VRK2: variants seen among roughly 807,000 people sequenced by gnomAD.
VRK2 encodes the protein serine/threonine-protein kinase VRK2.
In VRK2, 60 loss-of-function variants were observed where a neutral mutation model predicts 57.6. The ratio of observed to expected loss-of-function variants is 1.04; its 90% CI spans 0.85 to 1.29. The LOEUF is 1.29. Among genes scored for constraint, VRK2 ranks in the 50% most tolerant of loss-of-function variants. VRK2 has a pLI of 0.00. For synonymous variants in VRK2, 231 were observed against 199.2 expected (o/e 1.16, Z -1.35); for missense variants, 705 against 588.1 (o/e 1.20, Z -2.06).
rs1177261281 is a variant in VRK2 at position 58,077,286 on chromosome 2, C to T, written c.137-6803C>T. ...TTGTGTAGAACCTAGAACACCCTAT[C>T]AGTTCATTGAATCATGATTTCCTCC... On this transcript the variant is annotated intron_variant, in intron 2 of 12. Transcript: ENST00000340157. Among the ~76,000 whole-genome samples, 6 of 152,022 alleles carry T rather than the reference C, an allele frequency of 3.9e-5. No homozygotes were observed. The East Asian group carries it at 1.2e-3, about 29-fold the overall frequency.
chr2:58,134,719 C>T (rs941457926), intron 9 of VRK2, among the ~76,000 whole-genome samples: 2 of 152,038 alleles, frequency 1.3e-5, no homozygotes, highest in East Asian at 3.9e-4. Flanking sequence ...CACATTCCTA[C>T]ACAGCTGTCT....
At position 57,992,885 on chromosome 2, in the gene VRK2, A is replaced by G. The variant is rs367979637; in HGVS notation, c.-438-32780A>G. The stretch of plus-strand genomic sequence containing the variant: ...CATATTGACAACCTAGAGTGGAATA[A>G]TAGTGTAGTAGTTAAATTCATGCTC... On this transcript the variant is annotated intron_variant, in intron 1 of 15. Transcript: ENST00000417641. Among the ~76,000 whole-genome samples the G allele has an allele frequency of 5.1e-4, 78 of 152,314 alleles. 1 individual carries two copies. The highest frequency in any genetic ancestry group is 1.8e-3 in the African/African-American group (75 of 41,574).
chr2:58,084,720 T>C (rs1197683167), intron 3 of VRK2, among the ~76,000 whole-genome samples, 161 bp from the exon 4 acceptor site: 1 of 151,930 alleles, frequency 6.6e-6, no homozygotes, highest in Admixed American at 6.6e-5. Context: ...TTTAGTGTTT[T>C]CTGAGATTTT....
At chr2:58,151,662 C>G (rs1333020510) in intron 12 of VRK2, among the ~76,000 whole-genome samples, 1 of 143,114 alleles carries the variant, frequency 7.0e-6, no homozygotes, top group African/African-American at 2.6e-5. Context: ...GTTCTTTGTC[C>G]CTTTTTACCT....
chr2:58,137,903 C>T (rs1680775364), intron 10 of VRK2, among the ~76,000 whole-genome samples: 1 of 152,078 alleles, frequency 6.6e-6, no homozygotes, highest in African/African-American at 2.4e-5. Context: ...ACCAGTATTA[C>T]ATCACAATAT....
At chr2:58,110,990 G>GTCGACTTATTGCATTCCTTTAC (rs1359028341) in intron 7 of VRK2, among the ~76,000 whole-genome samples, 1 of 152,156 alleles carries the variant, frequency 6.6e-6, no homozygotes, top group African/African-American at 2.4e-5. Flanking sequence ...CCTAGTGGAT[G>GTCGACTTATTGCATTCCTTTAC]TCGACTTATT....
At chr2:57,929,082 C>T (rs568598764) in intron 1 of VRK2, among the ~76,000 whole-genome samples, 8 of 152,146 alleles carry the variant, frequency 5.3e-5, no homozygotes, top group Non-Finnish European at 1.0e-4. Flanking sequence ...TGCTCAAAGC[C>T]CAAGAGCTCT....
chr2:58,115,470 A>C (rs1408826350), intron 7 of VRK2, among the ~76,000 whole-genome samples: 1 of 152,158 alleles, frequency 6.6e-6, no homozygotes, highest in Admixed American at 6.5e-5. Flanking sequence ...GTGATTTTTT[A>C]GGGCCTCTAA....
At chr2:58,072,139 A>T (rs1290955045) in intron 2 of VRK2, among the ~76,000 whole-genome samples, 1 of 152,038 alleles carries the variant, frequency 6.6e-6, no homozygotes, top group Non-Finnish European at 1.5e-5. Context: ...CAACTTTGCC[A>T]TACTGATGTA....
intron 1 of VRK2, among the ~76,000 whole-genome samples, chr2:58,008,541 G>T (rs893983990): frequency 1.3e-5 from 2 of 151,702 alleles, no homozygotes; most frequent in Admixed American, 1.3e-4. Context: ...AGAAAAGAAG[G>T]AAGGCAGAAG....
intron 2 of VRK2, among the ~76,000 whole-genome samples, chr2:58,049,547 G>A (rs187643914): frequency 3.0e-4 from 46 of 152,266 alleles, no homozygotes; most frequent in Non-Finnish European, 3.2e-4. Context: ...GGAACCATGG[G>A]CTGGATAGGC....
intron 1 of VRK2, among the ~76,000 whole-genome samples, chr2:58,022,136 G>A (rs149083063): frequency 2.6e-5 from 4 of 152,290 alleles, no homozygotes; most frequent in African/African-American, 9.6e-5. Flanking sequence ...CCTAATTATT[G>A]CAATTATGTG....
At chr2:58,120,940 G>A (rs1395746097) in intron 7 of VRK2, among the ~76,000 whole-genome samples, 1 of 152,190 alleles carries the variant, frequency 6.6e-6, no homozygotes, top group African/African-American at 2.4e-5. Flanking sequence ...CTGAAGTTTA[G>A]TTCAAACTCT....
chr2:58,099,574 G>A lies in VRK2; in HGVS notation c.543+9851G>A, dbSNP rs181090671. Among the ~76,000 whole-genome samples the A allele has an allele frequency of 5.9e-5, 9 of 152,184 alleles. No homozygotes were observed. In the East Asian group the frequency reaches 1.7e-3, roughly 29 times the overall value. On this transcript the variant is annotated intron_variant, in intron 7 of 12. Transcript: ENST00000340157. ...GTCATCTCAGTGCCAGGAATACCTT[G>A]ATTGTAGAGCTCCTTGCCCCATTAT...
Position 58,028,903 on chromosome 2 carries a change from AATATATATATATATAT to A in VRK2, c.-333+3158_-333+3173del, listed in dbSNP as rs58729342. ...AGTATAATAAATAAATAAATAAATA[AATATATATATATATAT>A]ATATATATATATATATATATATATT... On this transcript the variant is annotated intron_variant, in intron 2 of 15. Coordinates refer to the VRK2 transcript ENST00000417641. Among the ~76,000 whole-genome samples, 118 of 54,024 alleles carry A rather than the reference AATATATATATATATAT, an allele frequency of 2.2e-3. 2 individuals carry two copies. The highest frequency in any genetic ancestry group is 4.9e-3 in the African/African-American group (70 of 14,394). The allele number at this position is 54,024 out of a possible 152,430, so 35.4% of individuals were successfully genotyped here. A position where few individuals can be genotyped will look rare whatever the true frequency, so the allele number is the denominator to read the frequency against.
At chr2:58,052,903 AG>A (rs1675970670) in intron 2 of VRK2, among the ~76,000 whole-genome samples, 1 of 152,268 alleles carries the variant, frequency 6.6e-6, no homozygotes, top group African/African-American at 2.4e-5. Flanking sequence ...ACAGAATTAC[AG>A]GATAAACTTT....
chr2:58,009,345 C>T (rs1673349421), intron 1 of VRK2, among the ~76,000 whole-genome samples: 1 of 151,822 alleles, frequency 6.6e-6, no homozygotes, highest in Admixed American at 6.6e-5. Context: ...AGAAAGCAAC[C>T]TCTCAAGGTG....
At chr2:57,926,788 T>C (rs903939780) in intron 1 of VRK2, among the ~76,000 whole-genome samples, 1 of 151,854 alleles carries the variant, frequency 6.6e-6, no homozygotes, top group African/African-American at 2.4e-5. Flanking sequence ...CACAGATCAC[T>C]GGGTCTTGTT....
intron 2 of VRK2, among the ~76,000 whole-genome samples, chr2:58,070,953 G>C (rs1482560922): frequency 6.6e-6 from 1 of 152,078 alleles, no homozygotes; most frequent in South Asian, 2.1e-4. Flanking sequence ...TTCCTGTTGT[G>C]CTGCATCCTT....
Sources: gnomAD v4.1 joint callset for allele counts (sites outside exome capture counted in the v4.1 genomes callset) on GRCh38, gnomAD v4.1.1 for gene constraint, MANE v1.5 for transcripts, NCBI Gene and HGNC (gene_info 2026-07-23, HGNC 2026-07-21) for gene names.